CEMIP2: variants seen among roughly 807,000 people sequenced by gnomAD.
CEMIP2 encodes the protein cell migration inducing hyaluronidase 2, also known as cell surface hyaluronidase CEMIP2.
Under a neutral mutation model 146.9 loss-of-function variants are expected in CEMIP2, and 79 were observed. That is an observed-to-expected ratio of 0.54 (90% CI 0.45 to 0.65). The LOEUF (loss-of-function observed/expected upper bound fraction) is 0.65. CEMIP2 is among the 30% of genes least tolerant of loss of function. The probability of loss-of-function intolerance (pLI) is 0.00; values close to 1 mark genes in which losing one functional copy is unlikely to be tolerated. For synonymous variants in CEMIP2, 601 were observed against 606.3 expected (o/e 0.99, Z 0.13); for missense variants, 1,596 against 1,696.2 (o/e 0.94, Z 1.04).
Position 71,745,083 on chromosome 9 carries a change from T to C in CEMIP2, c.969A>G (p.Leu323=), listed in dbSNP as rs1339042595. ...CCTGGATCATCTGGATGGTTCCTTG[T>C]AAGAGACTTTTAGCGGCTGAATCCC... ...AVGDSAAKSL[L]QGTIQMIQER... Residue 323 remains leucine (L), a synonymous_variant, in exon 4 of 24, where the codon TTA becomes TTG. Transcript: ENST00000377044. 2 of 1,614,162 alleles carry C rather than the reference T, an allele frequency of 1.2e-6. No individual in the cohort carries two copies. Among genetic ancestry groups the C allele is most frequent in the Admixed American group, 3.3e-5 (2 of 60,018 alleles).
intron 14 of CEMIP2, among the ~76,000 whole-genome samples, chr9:71,715,502 C>G (rs1410338282): frequency 6.6e-6 from 1 of 150,674 alleles, no homozygotes; most frequent in African/African-American, 2.4e-5. Flanking sequence ...GTTTTAGCCT[C>G]CCAAAATGCT....
intron 18 of CEMIP2, 33 bp from the exon 19 acceptor site, chr9:71,700,857 C>A (rs1314572182): frequency 1.3e-6 from 2 of 1,573,868 alleles, no homozygotes; most frequent in East Asian, 4.5e-5. Context: ...AATTAGTTTA[C>A]ACTTCAGCCA....
chr9:71,685,185 T>G lies in CEMIP2; in HGVS notation c.*12A>C, dbSNP rs112323688. 6.3e-7 allele frequency: 1 copy of G among 1,576,614 alleles called. No homozygotes were observed. Among genetic ancestry groups the G allele is most frequent in the Non-Finnish European group, 8.6e-7 (1 of 1,159,782 alleles). ...ATTTTTTTTCCCCCAGCACTTAAGT[T>G]ACAGTTAGTCTCTAATGTGCTTTTG... On this transcript the variant is annotated 3_prime_UTR_variant, in exon 24 of 24. Transcript: ENST00000377044.
In CEMIP2 at chr9:71,730,707, G is replaced by T; in HGVS notation, c.1771C>A (p.Leu591Ile). ...TGACCTAATGCGAGGCTACTTACTA[G>T]CAAGCCATTTGTCCCATGCACAGTG... ...CITVHGTNGL[L>I]IKDTIGFDTL... Residue 591 changes from leucine to isoleucine, a missense_variant and splice_region_variant, in exon 8 of 24, where the codon CTA becomes ATA. Transcript: ENST00000377044. 1 of 1,614,074 alleles carries T rather than the reference G, an allele frequency of 6.2e-7. No individual in the cohort carries two copies. Among genetic ancestry groups the T allele is most frequent in the Middle Eastern group, 1.6e-4 (1 of 6,062 alleles).
chr9:71,769,347 C>G (rs1824901023), upstream of CEMIP2, among the ~76,000 whole-genome samples: 1 of 152,244 alleles, frequency 6.6e-6, no homozygotes, highest in Non-Finnish European at 1.5e-5. Flanking sequence ...CACAAATGTT[C>G]TGAGCGTCCA....
At position 71,765,195 on chromosome 9, in the gene CEMIP2, T is replaced by G. The variant is rs192974035; in HGVS notation, c.-13+3162A>C. ...CTAGCTTAAAAGTCTAAAGACTTGC[T>G]CTCAAGATGGGATTCAGATCATTCT... is the stretch of plus-strand genomic sequence containing the variant. On this transcript the variant is annotated intron_variant, in intron 1 of 23. Transcript: ENST00000377044. Among the ~76,000 whole-genome samples, 378 of 152,282 alleles carry G rather than the reference T, an allele frequency of 2.5e-3. 2 individuals carry two copies. The highest frequency in any genetic ancestry group is 4.1e-3 in the Admixed American group (62 of 15,282).
chr9:71,740,439 T>C (rs556351153), intron 4 of CEMIP2, among the ~76,000 whole-genome samples: 1 of 152,366 alleles, frequency 6.6e-6, no homozygotes, highest in Admixed American at 6.5e-5. Context: ...AAATACTTGT[T>C]TGTCCAGCTC....
At chr9:71,753,242 T>C (rs1824313655) in intron 1 of CEMIP2, among the ~76,000 whole-genome samples, 1 of 152,038 alleles carries the variant, frequency 6.6e-6, no homozygotes, top group South Asian at 2.1e-4. Flanking sequence ...TGATACCTTA[T>C]TGTTTCAGGG....
intron 10 of CEMIP2, among the ~76,000 whole-genome samples, chr9:71,725,917 G>A (rs1589147526): frequency 6.6e-6 from 1 of 152,050 alleles, no homozygotes; most frequent in East Asian, 1.9e-4. Context: ...ATTTAATTTT[G>A]CTTGCAGGAT....
intron 18 of CEMIP2, among the ~76,000 whole-genome samples, chr9:71,701,377 A>G (rs908385150): frequency 3.9e-5 from 6 of 152,184 alleles, no homozygotes; most frequent in Non-Finnish European, 5.9e-5. Flanking sequence ...GAGTGCTGGG[A>G]TTACAGGCGT....
intron 6 of CEMIP2, among the ~76,000 whole-genome samples, chr9:71,734,369 G>A (rs759800223): frequency 8.5e-5 from 13 of 152,078 alleles, no homozygotes; most frequent in East Asian, 7.7e-4. Context: ...GGGAGGCAGC[G>A]GGAGGGAAAG....
At chr9:71,769,385 A>G (rs1198611741), upstream of CEMIP2, among the ~76,000 whole-genome samples, 1 of 152,232 alleles carries the variant, frequency 6.6e-6, no homozygotes, top group Non-Finnish European at 1.5e-5. Context: ...GCCAGGCGCG[A>G]GCGCCAGGTT....
chr9:71,730,521 A>AT (rs1823585643), intron 8 of CEMIP2, among the ~76,000 whole-genome samples, 184 bp downstream of exon 8: 1 of 152,198 alleles, frequency 6.6e-6, no homozygotes. Context: ...TTAAAAGAGG[A>AT]TACTCTGGGT....
chr9:71,690,353 A>C, intron 21 of CEMIP2, 107 bp from the exon 22 acceptor site: 6 of 1,334,780 alleles, frequency 4.5e-6, no homozygotes, highest in Non-Finnish European at 6.1e-6. Flanking sequence ...CATGATTCAA[A>C]GTATATTTCC....
intron 10 of CEMIP2, among the ~76,000 whole-genome samples, chr9:71,728,258 C>CGTATATATATATAT (rs1437944856): frequency 1.3e-4 from 1 of 7,720 alleles, no homozygotes; most frequent in Non-Finnish European, 3.5e-4. Flanking sequence ...TATGTATATA[C>CGTATATATATATAT]ACGTATATAT....
intron 18 of CEMIP2, among the ~76,000 whole-genome samples, chr9:71,701,503 G>A (rs1312905254): frequency 1.3e-5 from 2 of 152,146 alleles, no homozygotes; most frequent in Non-Finnish European, 2.9e-5. Flanking sequence ...TAAGTGAGAT[G>A]GTTGGGTATA....
intron 1 of CEMIP2, among the ~76,000 whole-genome samples, chr9:71,758,696 A>G (rs971212828): frequency 6.6e-6 from 1 of 152,218 alleles, no homozygotes; most frequent in Non-Finnish European, 1.5e-5. Flanking sequence ...GGCTGCATTA[A>G]TGCATATTTT....
chr9:71,688,905 TAC>T (rs1563991091), intron 22 of CEMIP2, among the ~76,000 whole-genome samples: 1 of 152,124 alleles, frequency 6.6e-6, no homozygotes, highest in East Asian at 1.9e-4. Context: ...GTTAAAATGT[TAC>T]ACACACACTG....
At chr9:71,688,530 A>G (rs1402004488) in intron 22 of CEMIP2, among the ~76,000 whole-genome samples, 1 of 151,780 alleles carries the variant, frequency 6.6e-6, no homozygotes, top group Non-Finnish European at 1.5e-5. Context: ...CTGGGATTAT[A>G]GGTGCCACCA....
Sources: gnomAD v4.1 joint callset for allele counts (sites outside exome capture counted in the v4.1 genomes callset) on GRCh38, gnomAD v4.1.1 for gene constraint, MANE v1.5 for transcripts, NCBI Gene and HGNC (gene_info 2026-07-23, HGNC 2026-07-21) for gene names.